COL5A2: variants seen among roughly 807,000 people sequenced by gnomAD.
COL5A2 encodes collagen alpha-2(V) chain.
COL5A2 carries 23 observed loss-of-function variants against 208.2 expected under a neutral mutation model. That is an observed-to-expected ratio of 0.11 (90% CI 0.08 to 0.16). The LOEUF is 0.16. Ranked by LOEUF, COL5A2 falls within the 10% of genes least tolerant of loss-of-function variation. The probability of loss-of-function intolerance (pLI) is 1.00; values close to 1 mark genes in which losing one functional copy is unlikely to be tolerated. For synonymous variants in COL5A2, 625 were observed against 628.5 expected, an observed-to-expected ratio of 0.99 and a Z score of 0.08; for missense variants, 1,590 against 1,956.4, an observed-to-expected ratio of 0.81 and a Z score of 3.53.
the COL5A2 span, among the ~76,000 whole-genome samples, chr2:189,318,210 C>T: frequency 6.6e-6 from 1 of 152,164 alleles, no homozygotes; most frequent in East Asian, 1.9e-4. Flanking sequence ...TTTCAACTCA[C>T]TGCAATATCT....
At chr2:189,044,869 T>C (rs994192282) in intron 47 of COL5A2, among the ~76,000 whole-genome samples, 2 of 152,286 alleles carry the variant, frequency 1.3e-5, no homozygotes, top group East Asian at 3.9e-4. Flanking sequence ...CATTTTCCTA[T>C]GTAGTTTTTA....
At chr2:189,371,042 T>G in the COL5A2 span, among the ~76,000 whole-genome samples, 3 of 152,040 alleles carry the variant, frequency 2.0e-5, no homozygotes, top group Non-Finnish European at 4.4e-5. Flanking sequence ...ATAAGTGAGT[T>G]CTCCCTCGAA....
chr2:189,391,264 C>T, the COL5A2 span, among the ~76,000 whole-genome samples: 1 of 152,062 alleles, frequency 6.6e-6, no homozygotes, highest in Non-Finnish European at 1.5e-5. Flanking sequence ...TCCTGTATTC[C>T]ACACACAACA....
chr2:189,139,029 C>T (rs1687881149), intron 1 of COL5A2, among the ~76,000 whole-genome samples: 1 of 152,102 alleles, frequency 6.6e-6, no homozygotes. Flanking sequence ...TAGTGGCTTC[C>T]TTCCAAAGGG....
chr2:189,195,957 G>A (rs1688996190), intron 1 of COL5A2, among the ~76,000 whole-genome samples: 1 of 152,130 alleles, frequency 6.6e-6, no homozygotes, highest in African/African-American at 2.4e-5. Flanking sequence ...TTGACAAATG[G>A]TATCTAATTA....
the COL5A2 span, among the ~76,000 whole-genome samples, chr2:189,364,452 C>G: frequency 1.6e-4 from 24 of 152,050 alleles, no homozygotes; most frequent in Non-Finnish European, 3.2e-4. Flanking sequence ...TTTGGGAGAC[C>G]CAGTCGGGTA....
chr2:189,225,249 T>A (rs1689398866), exon 1 of COL5A2, among the ~76,000 whole-genome samples: 1 of 152,152 alleles, frequency 6.6e-6, no homozygotes, highest in African/African-American at 2.4e-5. Context: ...TCCAAAAGCC[T>A]AATAAGGCTG....
chr2:189,053,307 G>T, intron 38 of COL5A2, 117 bp downstream of exon 38: 1 of 942,882 alleles, frequency 1.1e-6, no homozygotes, highest in Non-Finnish European at 1.7e-6. Flanking sequence ...TGAGAATATT[G>T]TCTAGAAAAC....
chr2:189,129,336 A>C (rs924451830), intron 1 of COL5A2, among the ~76,000 whole-genome samples: 2 of 152,008 alleles, frequency 1.3e-5, no homozygotes, highest in Non-Finnish European at 2.9e-5. Context: ...CCAGCCCATA[A>C]ATGATTTGCT....
At chr2:189,347,565 G>A in the COL5A2 span, among the ~76,000 whole-genome samples, 2 of 152,094 alleles carry the variant, frequency 1.3e-5, no homozygotes, top group African/African-American at 4.8e-5. Context: ...TATGATTACT[G>A]GGCTTCTAGG....
At chr2:189,080,903 G>T in intron 13 of COL5A2, 87 bp downstream of exon 13, 2 of 1,099,830 alleles carry the variant, frequency 1.8e-6, no homozygotes, top group South Asian at 2.5e-5. Context: ...TTGACAAATT[G>T]ACTTGTAAAG....
intron 35 of COL5A2, among the ~76,000 whole-genome samples, chr2:189,054,608 T>C (rs912488975): frequency 4.6e-5 from 7 of 151,998 alleles, no homozygotes; most frequent in Non-Finnish European, 7.4e-5. Flanking sequence ...TATAATATTA[T>C]ATTCTTAAAT....
At chr2:189,402,998 G>A in the COL5A2 span, among the ~76,000 whole-genome samples, 1 of 152,092 alleles carries the variant, frequency 6.6e-6, no homozygotes, top group Non-Finnish European at 1.5e-5. Flanking sequence ...AACTGCTTTG[G>A]GCAGTATGGC....
chr2:189,048,549 A>C (rs1194656127), intron 44 of COL5A2, among the ~76,000 whole-genome samples: 3 of 152,214 alleles, frequency 2.0e-5, no homozygotes, highest in Non-Finnish European at 4.4e-5. Context: ...CATTCTTGCC[A>C]CTTTATGTTT....
rs187868069 is a variant in COL5A2, at chr2:189,139,286, A to T, written c.98-28837T>A. Among the ~76,000 whole-genome samples the T allele has an allele frequency of 9.6e-3, 1,464 of 152,306 alleles. 4 individuals are homozygous for T. The highest frequency in any genetic ancestry group is 0.013 in the Non-Finnish European group (904 of 68,032). ...GTGAAACTCCCTCTCAAAAATAAAT[A>T]AATTAATTAATTATTAAAGTTTAAT... On this transcript the variant is annotated intron_variant, in intron 1 of 53. Coordinates refer to ENST00000374866, the MANE Select transcript of COL5A2 (RefSeq NM_000393.5).
the COL5A2 span, among the ~76,000 whole-genome samples, chr2:189,343,708 A>G: frequency 2.0e-3 from 307 of 152,278 alleles, 1 homozygote; most frequent in Middle Eastern, 6.8e-3. Flanking sequence ...TCATCTAAGT[A>G]AGAACCTTAA....
the COL5A2 span, among the ~76,000 whole-genome samples, chr2:189,291,346 T>C: frequency 6.6e-6 from 1 of 152,150 alleles, no homozygotes. Flanking sequence ...TAATCTTAAC[T>C]ATATCCTGGC....
At chr2:189,337,186 T>TC in the COL5A2 span, among the ~76,000 whole-genome samples, 1 of 139,538 alleles carries the variant, frequency 7.2e-6, no homozygotes, top group Non-Finnish European at 1.6e-5. Context: ...TTTTTTTTTT[T>TC]CTTTTTTTTT....
At chr2:189,261,494 G>T in the COL5A2 span, among the ~76,000 whole-genome samples, 2 of 152,308 alleles carry the variant, frequency 1.3e-5, no homozygotes, top group South Asian at 4.1e-4. Flanking sequence ...TCAGAGGAGA[G>T]TTGGCAGTTG....
Sources: gnomAD v4.1 joint callset for allele counts (sites outside exome capture counted in the v4.1 genomes callset) on GRCh38, gnomAD v4.1.1 for gene constraint, MANE v1.5 for transcripts, NCBI Gene and HGNC (gene_info 2026-07-23, HGNC 2026-07-21) for gene names.